HPS4: variants seen among roughly 807,000 people sequenced by gnomAD.
The protein encoded by HPS4 is HPS4 biogenesis of lysosomal organelles complex 3 subunit 2, also known as BLOC-3 complex member HPS4.
A neutral mutation model predicts 70.3 loss-of-function variants in HPS4; 44 were observed. The observed-to-expected ratio is 0.63, with a 90% CI of 0.49 to 0.80. The LOEUF is 0.80. Ranked by LOEUF, HPS4 falls within the 30% of genes least tolerant of loss-of-function variation. HPS4 has a pLI of 0.00. For synonymous variants in HPS4, 377 were observed against 355.9 expected, an observed-to-expected ratio of 1.06 and a Z score of -0.67; for missense variants, 873 against 884.4, an observed-to-expected ratio of 0.99 and a Z score of 0.16.
intron 4 of HPS4, chr22:26,475,961 T>G (rs1401045514): frequency 2.0e-5 from 3 of 152,116 alleles, no homozygotes; most frequent in Non-Finnish European, 4.4e-5. Context: ...GAGGATCGTT[T>G]GAGCCTGGGA....
chr22:26,450,337 C>T (rs905301604), downstream of HPS4, among the ~76,000 whole-genome samples: 7 of 152,168 alleles, frequency 4.6e-5, no homozygotes, highest in Admixed American at 6.5e-5. Context: ...GTGTTAAGAA[C>T]GCAGTAACTG....
chr22:26,466,018 GA>G, intron 9 of HPS4: 1 of 1,504,812 alleles, frequency 6.6e-7, no homozygotes, highest in Non-Finnish European at 8.9e-7. Context: ...TGAAAGCAGG[GA>G]TTTGACAGCA....
chr22:26,466,445 T>C, intron 8 of HPS4, 183 bp from the exon 9 acceptor site: 1 of 710,388 alleles, frequency 1.4e-6, no homozygotes, highest in South Asian at 1.5e-5. Flanking sequence ...GCTCCCACTA[T>C]GGCTGGGATG....
At position 26,466,052 on chromosome 22, in the gene HPS4, A is replaced by G. The variant is rs891670456; in HGVS notation, c.706+174T>C. 3.9e-6 allele frequency: 6 copies of G among 1,543,484 alleles called. No homozygotes were observed. In the Admixed American group the frequency reaches 1.2e-4, roughly 30 times the overall value. Reference sequence around the variant, plus strand: ...GCATGCCTAAAATCATAGCTTTACCATTAGGGTTCTGGTGGGTAACTCGAT... The same window carrying G: ...GCATGCCTAAAATCATAGCTTTACCGTTAGGGTTCTGGTGGGTAACTCGAT... On this transcript the variant is annotated intron_variant, in intron 9 of 13. Transcript: ENST00000398145.
downstream of HPS4, chr22:26,444,120 T>C (rs2084885253): frequency 6.6e-6 from 1 of 152,146 alleles, no homozygotes; most frequent in Admixed American, 6.5e-5. Flanking sequence ...TGTAGGGGGA[T>C]AGGACCGCGC....
At chr22:26,475,092 G>A (rs1735116953) in intron 4 of HPS4, among the ~76,000 whole-genome samples, 1 of 152,178 alleles carries the variant, frequency 6.6e-6, no homozygotes, top group Admixed American at 6.5e-5. Context: ...ACCCAGGAGA[G>A]ATGAAAACAC....
intron 4 of HPS4, chr22:26,476,644 T>C (rs567036602): frequency 4.0e-6 from 1 of 248,884 alleles, no homozygotes; most frequent in Non-Finnish European, 8.0e-6. Flanking sequence ...CTATCATTTT[T>C]TTCTGGGTCA....
In HPS4 at chr22:26,483,761, G is replaced by C. The variant is rs531283049; in HGVS notation, c.-566C>G. On this transcript the variant is annotated 5_prime_UTR_variant, in exon 1 of 14. Transcript: ENST00000398145. ...GCTGGGTACCTGCGACTTCTGCCCCGTACCTGCGCGCGCGGCAGAGAGGCC... is the reference window on the plus strand; with the variant it reads ...GCTGGGTACCTGCGACTTCTGCCCCCTACCTGCGCGCGCGGCAGAGAGGCC... The C allele has an allele frequency of 1.9e-5, 11 of 588,970 alleles. No homozygotes were observed. Among genetic ancestry groups the C allele is most frequent in the Non-Finnish European group, 5.1e-6 (2 of 391,546 alleles). 36.5% of individuals were successfully genotyped at this position (588,970 alleles called of 1,614,324 possible).
intron 8 of HPS4, chr22:26,466,935 A>T (rs2088757391): frequency 6.5e-6 from 1 of 153,610 alleles, no homozygotes; most frequent in African/African-American, 2.4e-5. Context: ...TTTTTAAAAA[A>T]CTATGTTTTA....
At chr22:26,465,788 G>A in intron 9 of HPS4, 1 of 582,532 alleles carries the variant, frequency 1.7e-6, no homozygotes, top group South Asian at 2.0e-5. Context: ...AGATGTTCGG[G>A]AGAGAAAGGT....
At position 26,483,743 on chromosome 22, in the gene HPS4, A is replaced by C; in HGVS notation, c.-548T>G. 2.1e-6 allele frequency: 1 copy of C among 465,462 alleles called. No homozygotes were observed. Among genetic ancestry groups the C allele is most frequent in the Non-Finnish European group, 3.5e-6 (1 of 283,466 alleles). The allele number at this position is 465,462 out of a possible 1,614,324, so 28.8% of individuals were successfully genotyped here. On this transcript the variant is annotated 5_prime_UTR_variant, in exon 1 of 14. Transcript: ENST00000398145. ...CCAGAAATGTGGGCAGCAGCTGGGT[A>C]CCTGCGACTTCTGCCCCGTACCTGC...
chr22:26,480,261 T>G (rs976009936), intron 2 of HPS4, among the ~76,000 whole-genome samples: 1 of 152,130 alleles, frequency 6.6e-6, no homozygotes, highest in East Asian at 1.9e-4. Flanking sequence ...AAACTCAATC[T>G]CCCAGGCTCA....
chr22:26,446,761 A>T (rs1443635738), downstream of HPS4, among the ~76,000 whole-genome samples: 1 of 152,098 alleles, frequency 6.6e-6, no homozygotes, highest in Non-Finnish European at 1.5e-5. Context: ...TTTGAGACAG[A>T]GTCTCCTCTG....
In HPS4 at chr22:26,452,727, A is replaced by T; in HGVS notation, c.*506T>A. 1 of 250,648 alleles carries T rather than the reference A, an allele frequency of 4.0e-6. No homozygotes were observed. The highest frequency in any genetic ancestry group is 4.7e-5 in the South Asian group (1 of 21,322). The allele number at this position is 250,648 out of a possible 1,614,324, so 15.5% of individuals were successfully genotyped here. A position where few individuals can be genotyped will look rare whatever the true frequency, so the allele number is the denominator to read the frequency against. ...CAGGAACGATCCGGACCTCCCAGCA[A>T]GAGCGCACTGGAGAAACCTACCTGC... On this transcript the variant is annotated 3_prime_UTR_variant, in exon 14 of 14. Transcript: ENST00000398145.
chr22:26,476,982 A>G lies in HPS4; in HGVS notation c.276+11T>C. 1 of 1,614,034 alleles carries G rather than the reference A, an allele frequency of 6.2e-7. No homozygotes were observed. The highest frequency in any genetic ancestry group is 1.3e-5 in the African/African-American group (1 of 75,056). ...GCAACACTTCAGCACTGATTCTGCC[A>G]TTCAACTTACCCAAAGGTAATCTCC... On this transcript the variant is annotated intron_variant, in intron 4 of 13. Transcript: ENST00000398145.
At chr22:26,455,252 A>G (rs931693515) in intron 13 of HPS4, among the ~76,000 whole-genome samples, 1 of 152,064 alleles carries the variant, frequency 6.6e-6, no homozygotes, top group African/African-American at 2.4e-5. Flanking sequence ...AAAGGATTAT[A>G]AATCATGCTG....
At position 26,468,628 on chromosome 22, in the gene HPS4, G is replaced by C; in HGVS notation, c.597-5C>G. On this transcript the variant is annotated splice_polypyrimidine_tract_variant and splice_region_variant and intron_variant, in intron 7 of 13. Coordinates refer to ENST00000398145, the MANE Select transcript of HPS4 (RefSeq NM_022081.6). ...GGGAGTTGGGTGCTGACAATCCTAGGAGGTCACACACAGAACAAGAACACC... is the reference window on the plus strand; with the variant it reads ...GGGAGTTGGGTGCTGACAATCCTAGCAGGTCACACACAGAACAAGAACACC... 1 of 1,613,672 alleles carries C rather than the reference G, an allele frequency of 6.2e-7. No individual in the cohort carries two copies. The highest frequency in any genetic ancestry group is 8.5e-7 in the Non-Finnish European group (1 of 1,179,696).
intron 11 of HPS4, among the ~76,000 whole-genome samples, chr22:26,459,116 G>T (rs2146397965): frequency 6.6e-6 from 1 of 152,298 alleles, no homozygotes; most frequent in African/African-American, 2.4e-5. Context: ...ATCCCGCATT[G>T]TTTCTCACTG....
rs1244839338 is a variant in HPS4, at chr22:26,452,246, ACATT to A, written c.*983_*986del. On this transcript the variant is annotated 3_prime_UTR_variant, in exon 14 of 14. Transcript: ENST00000398145. ...ATGGAATCTCAAGTACTTCCAGTAA[ACATT>A]CAGTTAAGATTTTGACAAATATTTT... 4.8e-6 allele frequency: 2 copies of A among 418,382 alleles called. No individual in the cohort carries two copies. Among genetic ancestry groups the A allele is most frequent in the East Asian group, 7.2e-5 (1 of 13,900 alleles). 25.9% of individuals were successfully genotyped at this position (418,382 alleles called of 1,614,324 possible).
Sources: allele counts gnomAD v4.1 joint callset (sites outside exome capture counted in the v4.1 genomes callset), GRCh38; gene constraint gnomAD v4.1.1; transcripts MANE v1.5; gene names NCBI Gene and HGNC (gene_info 2026-07-23, HGNC 2026-07-21).